Variants in CUX2 observed in about 807,000 individuals in gnomAD.
CUX2 encodes cut like homeobox 2.
In CUX2, 40 loss-of-function variants were observed where a neutral mutation model predicts 144.8. That is an observed-to-expected ratio of 0.28 (90% CI 0.21 to 0.36). CUX2 has a LOEUF of 0.36. Among genes scored for constraint, CUX2 ranks in the 10% least tolerant of loss-of-function variants. The probability of loss-of-function intolerance (pLI) is 1.00; values close to 1 mark genes in which losing one functional copy is unlikely to be tolerated. For synonymous variants in CUX2, 827 were observed against 875.6 expected (o/e 0.94, Z 0.98); for missense variants, 1,615 against 1,994.0 (o/e 0.81, Z 3.62).
intron 1 of CUX2, among the ~76,000 whole-genome samples, chr12:111,043,645 C>G (rs561300360): frequency 8.1e-4 from 123 of 151,722 alleles, no homozygotes; most frequent in Middle Eastern, 3.4e-3. Context: ...AAACCCCTTC[C>G]CTACTAAAAA....
At chr12:111,086,684 C>T (rs1405310910) in intron 1 of CUX2, among the ~76,000 whole-genome samples, 3 of 152,180 alleles carry the variant, frequency 2.0e-5, no homozygotes, top group Non-Finnish European at 4.4e-5. Flanking sequence ...ACTTGTTTAG[C>T]ATCTTGGAAC....
intron 1 of CUX2, among the ~76,000 whole-genome samples, chr12:111,170,536 C>G (rs1399829087): frequency 6.7e-6 from 1 of 149,496 alleles, no homozygotes; most frequent in Non-Finnish European, 1.5e-5. Flanking sequence ...ATGCACACCC[C>G]CAGCTCTTCT....
Position 111,310,562 on chromosome 12 carries a change from C to T in CUX2, c.1780C>T (p.Arg594Trp), listed in dbSNP as rs1400410114. 4 of 1,613,844 alleles carry T rather than the reference C, an allele frequency of 2.5e-6. No homozygotes were observed. The highest frequency in any genetic ancestry group is 1.3e-5 in the African/African-American group (1 of 74,950). The change falls in exon 15 of 22, where the codon CGG becomes TGG. Residue 594 changes from arginine to tryptophan, a missense_variant. By Grantham distance (101) the Arg-to-Trp change is moderately radical (BLOSUM62 -3). Around this residue, in one of 12 missense-constraint regions of CUX2, gnomAD observed 71 missense variants for 142.3 expected, o/e 0.50. Transcript: ENST00000261726. This position sits in a 1 kb window ranked among gnomAD's most constrained non-coding sequence, Gnocchi z 7.9. ...GGGCTCGGTCAGCGAGATCCTAGCC[C>T]GGCCCAAGCCCTGGCGCAAGCTCAC... ...SQGSVSEILARPKPWRKLTVK... is the reference protein window; with the variant it reads ...SQGSVSEILAWPKPWRKLTVK...
rs1392437838 is a variant in CUX2 at position 111,037,299 on chromosome 12, TCC to T, written c.63+3062_63+3063del. On this transcript the variant is annotated intron_variant, in intron 1 of 21. Coordinates refer to ENST00000261726, the MANE Select transcript of CUX2 (RefSeq NM_015267.4). This position sits in a 1 kb window ranked among gnomAD's most constrained non-coding sequence, Gnocchi z 5.4. ...CCGAGGCAACATGGGCGGCCCCGTG[TCC>T]CCAGGCCATACCACGTCGCTGACGC... is the stretch of plus-strand genomic sequence containing the variant. Among the ~76,000 whole-genome samples, 1 of 152,156 alleles carries T rather than the reference TCC, an allele frequency of 6.6e-6. No individual in the cohort carries two copies. The highest frequency in any genetic ancestry group is 1.5e-5 in the Non-Finnish European group (1 of 68,018).
At chr12:111,078,163 G>T (rs957823834) in intron 1 of CUX2, among the ~76,000 whole-genome samples, 1 of 152,194 alleles carries the variant, frequency 6.6e-6, no homozygotes, top group African/African-American at 2.4e-5. Context: ...TCAACAACCA[G>T]TTGAGCCCAC....
intron 3 of CUX2, among the ~76,000 whole-genome samples, chr12:111,253,968 G>A (rs896214763): frequency 1.3e-5 from 2 of 151,994 alleles, no homozygotes; most frequent in African/African-American, 2.4e-5. Context: ...GACCTCAGGC[G>A]ATCCACCAGC....
chr12:111,092,294 C>CT (rs1872598740), intron 1 of CUX2, among the ~76,000 whole-genome samples: 1 of 152,210 alleles, frequency 6.6e-6, no homozygotes, highest in Non-Finnish European at 1.5e-5. Flanking sequence ...GAATGAAACA[C>CT]TGAGACTTGA....
chr12:111,338,828 T>C (rs1888462162), intron 20 of CUX2, among the ~76,000 whole-genome samples: 1 of 152,032 alleles, frequency 6.6e-6, no homozygotes, highest in South Asian at 2.1e-4. Context: ...GGCTGCAATG[T>C]GCTATGATCA....
chr12:111,152,887 A>G (rs1877138914), intron 1 of CUX2, among the ~76,000 whole-genome samples: 2 of 152,202 alleles, frequency 1.3e-5, no homozygotes, highest in Non-Finnish European at 2.9e-5. Flanking sequence ...CTCCAGAAAC[A>G]TAAAGAAGGC....
At chr12:111,336,424 T>TGTGTG (rs1888353810) in intron 19 of CUX2, among the ~76,000 whole-genome samples, 1 of 146,026 alleles carries the variant, frequency 6.8e-6, no homozygotes, top group African/African-American at 2.5e-5. Flanking sequence ...CACTTCAGTG[T>TGTGTG]TGTGTGTGTG....
rs555253834 is a variant in CUX2, at chr12:111,348,163, G to A, written c.4299G>A (p.Pro1433=). 176 of 1,613,860 alleles carry A rather than the reference G, an allele frequency of 1.1e-4. No homozygotes were observed. The highest frequency in any genetic ancestry group is 5.3e-4 in the South Asian group (48 of 91,062). Residue 1433 remains proline, a synonymous_variant, in exon 22 of 22, where the codon CCG becomes CCA. Transcript: ENST00000261726. ...SPPGAPPAKV[P]SASPTADMAG... is the part of the protein sequence containing the mutation. ...CTGGCGCCCCCCCTGCCAAAGTGCC[G>A]AGTGCCAGCCCCACTGCTGACATGG... is the stretch of plus-strand genomic sequence containing the variant.
chr12:111,166,769 C>T (rs992715988), intron 1 of CUX2, among the ~76,000 whole-genome samples: 1 of 152,122 alleles, frequency 6.6e-6, no homozygotes, highest in East Asian at 1.9e-4. Flanking sequence ...GCGGGGGTAG[C>T]GGACACTGCC....
intron 1 of CUX2, among the ~76,000 whole-genome samples, chr12:111,170,824 C>T (rs1000893711): frequency 4.6e-5 from 7 of 152,020 alleles, no homozygotes; most frequent in South Asian, 4.2e-4. Flanking sequence ...TGTTCCTCTC[C>T]GTGGCTGGGT....
rs528681908 is a variant in CUX2 at position 111,303,502 on chromosome 12, G to A, written c.754-708G>A. Among the ~76,000 whole-genome samples, 760 of 151,766 alleles carry A rather than the reference G, an allele frequency of 5.0e-3. 7 individuals carry two copies. The highest frequency in any genetic ancestry group is 0.018 in the African/African-American group (731 of 41,364). ...AATACAAAAAATAGCTGGGTGTGGT[G>A]GTGTGCACTTGTAATCCCAGCTACT... is the stretch of plus-strand genomic sequence containing the variant. On this transcript the variant is annotated intron_variant, in intron 9 of 21. Coordinates refer to ENST00000261726, the MANE Select transcript of CUX2 (RefSeq NM_015267.4).
chr12:111,036,230 T>A (rs753396459), intron 1 of CUX2, among the ~76,000 whole-genome samples: 7 of 152,154 alleles, frequency 4.6e-5, no homozygotes, highest in Non-Finnish European at 1.0e-4. Flanking sequence ...ACAGCGCTGG[T>A]ATTTGCTCCC....
rs558828589 is a variant in CUX2, at chr12:111,279,904, C to G, written c.302-11514C>G. 1.2e-4 allele frequency among the ~76,000 whole-genome samples: 18 copies of G among 152,316 alleles called. No homozygotes were observed. In the South Asian group the frequency reaches 3.7e-3, roughly 32 times the overall value. ...GGCTGAGGCAGGAGAATCACTTGAA[C>G]CCGGGAAGTGGAGGTTGCAGTGAGC... is the stretch of plus-strand genomic sequence containing the variant. On this transcript the variant is annotated intron_variant, in intron 4 of 21. Coordinates refer to ENST00000261726, the MANE Select transcript of CUX2 (RefSeq NM_015267.4).
chr12:111,094,816 T>C (rs981499677), intron 1 of CUX2, among the ~76,000 whole-genome samples: 1 of 152,130 alleles, frequency 6.6e-6, no homozygotes, highest in African/African-American at 2.4e-5. Flanking sequence ...TTTTAAGCAA[T>C]AGAAGTGATT....
chr12:111,188,986 C>T (rs1233243352), intron 1 of CUX2, among the ~76,000 whole-genome samples: 1 of 152,136 alleles, frequency 6.6e-6, no homozygotes, highest in Non-Finnish European at 1.5e-5. Context: ...AGAATATTCA[C>T]ACAGAAAGGT....
chr12:111,125,334 C>T (rs1048995636), intron 1 of CUX2, among the ~76,000 whole-genome samples: 5 of 152,076 alleles, frequency 3.3e-5, no homozygotes, highest in African/African-American at 1.2e-4. Context: ...CACGTGCCAC[C>T]GCACCAGGCT....
Sources: gnomAD v4.1 joint callset for allele counts (sites outside exome capture counted in the v4.1 genomes callset) on GRCh38, gnomAD v4.1.1 for gene constraint, gnomAD v4.1.1 regional missense constraint, Gnocchi (gnomAD v3.1) non-coding constraint, MANE v1.5 for transcripts, NCBI Gene and HGNC (gene_info 2026-07-23, HGNC 2026-07-21) for gene names.